The following TRIM24 variants were observed in gnomAD, a reference collection of about 807,000 sequenced individuals.
The protein encoded by TRIM24 is tripartite motif containing 24.
TRIM24 carries 29 observed loss-of-function variants against 123.9 expected under a neutral mutation model. That is an observed-to-expected ratio of 0.23 (90% CI 0.17 to 0.32). The LOEUF (loss-of-function observed/expected upper bound fraction) is 0.32, where lower values mean the gene tolerates loss of function less well. Ranked by LOEUF, TRIM24 falls within the 10% of genes least tolerant of loss-of-function variation. The pLI is 1.00. For missense variants in TRIM24, 932 were observed against 1,295.3 expected (o/e 0.72, Z 4.31); for synonymous variants, 456 against 461.1 (o/e 0.99, Z 0.14).
At chr7:138,498,986 C>G (rs2116515929) in intron 1 of TRIM24, among the ~76,000 whole-genome samples, 1 of 152,204 alleles carries the variant, frequency 6.6e-6, no homozygotes, top group Non-Finnish European at 1.5e-5. Context: ...TTCTTTTGTT[C>G]AAGTCTTCTA....
chr7:138,578,560 G>T (rs1797818799), intron 14 of TRIM24, among the ~76,000 whole-genome samples: 1 of 129,360 alleles, frequency 7.7e-6, no homozygotes. Context: ...GTGTGTGTGT[G>T]TGTGCGCGCA....
intron 1 of TRIM24, among the ~76,000 whole-genome samples, chr7:138,479,605 T>TG: frequency 6.6e-6 from 1 of 151,824 alleles, no homozygotes; most frequent in African/African-American, 2.4e-5. Context: ...CTCTGCCTCC[T>TG]GGGTTCAAGC....
intron 1 of TRIM24, among the ~76,000 whole-genome samples, chr7:138,499,417 C>T (rs1030211479): frequency 6.6e-6 from 1 of 152,122 alleles, no homozygotes; most frequent in African/African-American, 2.4e-5. Context: ...GTTTTATTAC[C>T]CACAGATGGG....
chr7:138,536,342 T>A (rs1796873283), intron 6 of TRIM24, among the ~76,000 whole-genome samples: 1 of 152,232 alleles, frequency 6.6e-6, no homozygotes, highest in Non-Finnish European at 1.5e-5. Context: ...CCCATCTTTG[T>A]GGTTTTATCT....
At chr7:138,461,311 G>T in intron 1 of TRIM24, 1 of 517,512 alleles carries the variant, frequency 1.9e-6, no homozygotes, top group South Asian at 1.4e-5. Flanking sequence ...AGGTCCATAT[G>T]ATCCTGATCA....
At chr7:138,583,750 C>A in intron 17 of TRIM24, 100 bp from the exon 18 acceptor site, 2 of 892,502 alleles carry the variant, frequency 2.2e-6, no homozygotes, top group Non-Finnish European at 1.6e-6. Flanking sequence ...CAGAGAAAAG[C>A]AATGAGAACA....
intron 7 of TRIM24, among the ~76,000 whole-genome samples, chr7:138,539,758 T>C (rs556105921): frequency 9.1e-4 from 139 of 152,042 alleles, no homozygotes; most frequent in Non-Finnish European, 1.4e-3. Context: ...GCAGTAGTAT[T>C]ATGTTTTTTA....
intron 6 of TRIM24, 128 bp from the exon 7 acceptor site, chr7:138,538,529 A>C (rs1046073270): frequency 9.5e-7 from 1 of 1,051,618 alleles, no homozygotes; most frequent in Non-Finnish European, 1.4e-6. Flanking sequence ...GGGAAAACAG[A>C]GTATTTTTAG....
chr7:138,462,870 T>G (rs1584677740), intron 1 of TRIM24, among the ~76,000 whole-genome samples: 1 of 151,262 alleles, frequency 6.6e-6, no homozygotes, highest in South Asian at 2.1e-4. Context: ...ATTTATTTAT[T>G]TATTTATTTT....
At chr7:138,582,309 G>A (rs1178065998) in intron 17 of TRIM24, among the ~76,000 whole-genome samples, 7 of 152,138 alleles carry the variant, frequency 4.6e-5, no homozygotes, top group African/African-American at 1.4e-4. Context: ...TTGGGAGGCC[G>A]AGGCGGGCGG....
intron 2 of TRIM24, among the ~76,000 whole-genome samples, chr7:138,505,515 T>C (rs914964885): frequency 7.1e-6 from 1 of 140,934 alleles, no homozygotes; most frequent in Non-Finnish European, 1.5e-5. Flanking sequence ...TGGTGGTTGT[T>C]GTTGTTGTTG....
chr7:138,474,691 CATT>C (rs1336769007), intron 1 of TRIM24, among the ~76,000 whole-genome samples: 9 of 152,108 alleles, frequency 5.9e-5, no homozygotes, highest in African/African-American at 2.2e-4. Context: ...GTTTTTCTAG[CATT>C]GTTGTTAGAG....
chr7:138,532,765 T>C (rs1218870898), intron 6 of TRIM24, among the ~76,000 whole-genome samples: 3 of 152,218 alleles, frequency 2.0e-5, no homozygotes, highest in Admixed American at 1.3e-4. Context: ...CATTGGTAGC[T>C]CAACGGGGAT....
intron 9 of TRIM24, among the ~76,000 whole-genome samples, chr7:138,564,233 C>T (rs909437644): frequency 4.6e-5 from 7 of 152,202 alleles, no homozygotes; most frequent in African/African-American, 1.2e-4. Flanking sequence ...GATGGGTCCC[C>T]GTGTCTCCCT....
intron 12 of TRIM24, among the ~76,000 whole-genome samples, chr7:138,574,311 C>T (rs986987742): frequency 3.9e-5 from 6 of 152,078 alleles, no homozygotes; most frequent in East Asian, 1.9e-4. Context: ...GAGAGAAAAA[C>T]GCTAATATTA....
Position 138,576,444 on chromosome 7 carries a change from A to G in TRIM24, c.2086A>G (p.Ser696Gly). Residue 696 changes from serine (S) to glycine (G), a missense_variant and splice_region_variant, in exon 13 of 19, where the codon AGC becomes GGC. Coordinates refer to ENST00000343526, the MANE Select transcript of TRIM24 (RefSeq NM_015905.3). Reference protein sequence around the residue: ...PSASSVGSRGSSGSSSKPAGA... With the variant: ...PSASSVGSRGGSGSSSKPAGA... ...TGCCTCCAGCGTTGGAAGCCGAGGA[A>G]GGTAAACTGACTAAACCATATTTTC... 6.2e-7 allele frequency: 1 copy of G among 1,613,486 alleles called. No individual in the cohort carries two copies. Among genetic ancestry groups the G allele is most frequent in the South Asian group, 1.1e-5 (1 of 91,060 alleles).
intron 13 of TRIM24, among the ~76,000 whole-genome samples, 178 bp downstream of exon 13, chr7:138,576,623 A>G (rs1797766085): frequency 6.6e-6 from 1 of 152,292 alleles, no homozygotes; most frequent in Admixed American, 6.5e-5. Flanking sequence ...CAAAAGTACA[A>G]ATTTACCTTT....
chr7:138,494,058 T>C (rs1204014920), intron 1 of TRIM24, among the ~76,000 whole-genome samples: 2 of 152,034 alleles, frequency 1.3e-5, no homozygotes, highest in African/African-American at 4.8e-5. Flanking sequence ...CTCAGCTCAC[T>C]GGAACCTCCG....
At chr7:138,467,486 C>G (rs1231213307) in intron 1 of TRIM24, among the ~76,000 whole-genome samples, 1 of 152,116 alleles carries the variant, frequency 6.6e-6, no homozygotes, top group Non-Finnish European at 1.5e-5. Flanking sequence ...GGACTATAGG[C>G]ATGCGCCACT....
Sources: allele counts gnomAD v4.1 joint callset (sites outside exome capture counted in the v4.1 genomes callset), GRCh38; gene constraint gnomAD v4.1.1; transcripts MANE v1.5; gene names NCBI Gene and HGNC (gene_info 2026-07-23, HGNC 2026-07-21).